The following CADM1 variants were observed in gnomAD, a reference collection of about 807,000 sequenced individuals.
CADM1 encodes the protein TSLC-1.
In CADM1, 15 loss-of-function variants were observed where a neutral mutation model predicts 53.1. That is an observed-to-expected ratio of 0.28 (90% CI 0.19 to 0.44). The LOEUF (loss-of-function observed/expected upper bound fraction) is 0.44, where lower values mean the gene tolerates loss of function less well. Ranked by LOEUF, CADM1 falls within the 20% of genes least tolerant of loss-of-function variation. The probability of loss-of-function intolerance (pLI) is 1.00; values close to 1 mark genes in which losing one functional copy is unlikely to be tolerated. For missense variants in CADM1, 434 were observed against 611.3 expected (o/e 0.71, Z 3.06); for synonymous variants, 281 against 243.0 (o/e 1.16, Z -1.45).
At chr11:115,464,071 C>A (rs762227972) in intron 1 of CADM1, among the ~76,000 whole-genome samples, 10 of 152,160 alleles carry the variant, frequency 6.6e-5, no homozygotes, top group Non-Finnish European at 1.5e-4. Context: ...CTGACAGAGA[C>A]TGGAGACAAT....
At chr11:115,183,881 C>T (rs918608035) in intron 10 of CADM1, among the ~76,000 whole-genome samples, 3 of 152,342 alleles carry the variant, frequency 2.0e-5, no homozygotes, top group East Asian at 3.9e-4. Context: ...TTCAGATGCT[C>T]AGCGTTCTGT....
chr11:115,353,015 G>T (rs1246066508), intron 1 of CADM1, among the ~76,000 whole-genome samples: 1 of 152,202 alleles, frequency 6.6e-6, no homozygotes, highest in Non-Finnish European at 1.5e-5. Flanking sequence ...GATTTCTCTT[G>T]AGATAACTTT....
intron 1 of CADM1, among the ~76,000 whole-genome samples, chr11:115,428,228 T>G (rs948897469): frequency 2.6e-5 from 4 of 152,114 alleles, no homozygotes; most frequent in African/African-American, 9.7e-5. Flanking sequence ...TTAAAATATC[T>G]AGACATTTCT....
intron 1 of CADM1, among the ~76,000 whole-genome samples, chr11:115,489,738 AG>A (rs909747063): frequency 1.3e-5 from 2 of 152,232 alleles, no homozygotes; most frequent in Admixed American, 1.3e-4. Context: ...AAGATAAGTT[AG>A]GAGTAGCCCT....
intron 1 of CADM1, among the ~76,000 whole-genome samples, chr11:115,447,412 G>A (rs756628247): frequency 6.6e-6 from 1 of 152,126 alleles, no homozygotes; most frequent in Non-Finnish European, 1.5e-5. Flanking sequence ...TAAAAAAGCA[G>A]CAGCAAAGAC....
At chr11:115,324,506 G>A (rs543547221) in intron 1 of CADM1, among the ~76,000 whole-genome samples, 315 of 702 alleles carry the variant, frequency 0.45, 5 homozygotes, top group Non-Finnish European at 0.24. Flanking sequence ...TGGTGTGTTC[G>A]TGGAAAAGAA....
chr11:115,348,357 A>T (rs748456693), intron 1 of CADM1, among the ~76,000 whole-genome samples: 10 of 152,230 alleles, frequency 6.6e-5, no homozygotes, highest in Non-Finnish European at 4.4e-5. Flanking sequence ...TCCTGCAGAC[A>T]CATGCAGAAG....
chr11:115,316,793 G>A (rs1470503388), intron 1 of CADM1, among the ~76,000 whole-genome samples: 1 of 152,240 alleles, frequency 6.6e-6, no homozygotes, highest in Middle Eastern at 3.4e-3. Context: ...GCCATCTTAA[G>A]GAAGTGTTCT....
intron 1 of CADM1, among the ~76,000 whole-genome samples, chr11:115,274,037 T>C (rs1256382025): frequency 6.6e-6 from 1 of 152,222 alleles, no homozygotes; most frequent in Non-Finnish European, 1.5e-5. Context: ...AAAATCACAC[T>C]TCCTACCCGA....
chr11:115,482,109 C>A (rs1009726663), intron 1 of CADM1, among the ~76,000 whole-genome samples: 2 of 152,224 alleles, frequency 1.3e-5, no homozygotes, highest in South Asian at 4.1e-4. Context: ...TTTGTCTTTC[C>A]GCCCATTATC....
At chr11:115,376,093 C>T (rs1040435756) in intron 1 of CADM1, among the ~76,000 whole-genome samples, 3 of 152,048 alleles carry the variant, frequency 2.0e-5, no homozygotes, top group Non-Finnish European at 4.4e-5. Flanking sequence ...TTGGTGGTCA[C>T]TAATAATATC....
chr11:115,500,612 A>C (rs562762360), intron 1 of CADM1, among the ~76,000 whole-genome samples: 1 of 152,226 alleles, frequency 6.6e-6, no homozygotes, highest in African/African-American at 2.4e-5. Flanking sequence ...AATAAGGCTA[A>C]TGTTATAATT....
chr11:115,432,532 A>G (rs990951642), intron 1 of CADM1, among the ~76,000 whole-genome samples: 1 of 152,232 alleles, frequency 6.6e-6, no homozygotes, highest in Non-Finnish European at 1.5e-5. Context: ...CTGCTGATCA[A>G]TAAGTGTTTA....
rs1938763585 is a variant in CADM1 at position 115,170,714 on chromosome 11, T to G, written c.*5760A>C. On this transcript the variant is annotated 3_prime_UTR_variant, in exon 12 of 12. Coordinates refer to ENST00000331581, the MANE Select transcript of CADM1 (RefSeq NM_001301043.2). ...GTTTGCATTTTTAAAAGAGGCCATA[T>G]TGCATTCTGAAGGCCCCTCACAATA... 6.6e-6 allele frequency: 1 copy of G among 152,146 alleles called. No homozygotes were observed. Among genetic ancestry groups the G allele is most frequent in the Non-Finnish European group, 1.5e-5 (1 of 68,060 alleles). 9.4% of individuals were successfully genotyped at this position (152,146 alleles called of 1,614,324 possible). A position where few individuals can be genotyped will look rare whatever the true frequency, so the allele number is the denominator to read the frequency against.
intron 1 of CADM1, among the ~76,000 whole-genome samples, chr11:115,273,815 G>T (rs903818006): frequency 2.0e-5 from 3 of 152,072 alleles, no homozygotes; most frequent in Admixed American, 6.5e-5. Context: ...TCAAAACATC[G>T]CCTGGAGAAA....
chr11:115,392,227 A>C (rs1401597686), intron 1 of CADM1, among the ~76,000 whole-genome samples: 1 of 151,804 alleles, frequency 6.6e-6, no homozygotes, highest in Admixed American at 6.6e-5. Context: ...CTTACTCCCC[A>C]CTCAAATATA....
At chr11:115,392,929 G>C (rs1946874929) in intron 1 of CADM1, among the ~76,000 whole-genome samples, 2 of 151,952 alleles carry the variant, frequency 1.3e-5, no homozygotes, top group African/African-American at 4.8e-5. Flanking sequence ...TAGTTCGCAT[G>C]TGCTCAGAAG....
At chr11:115,250,234 T>C (rs983854055) in intron 1 of CADM1, among the ~76,000 whole-genome samples, 2 of 152,212 alleles carry the variant, frequency 1.3e-5, no homozygotes, top group African/African-American at 2.4e-5. Flanking sequence ...ATTATTTAAA[T>C]TGAATTTCTT....
intron 1 of CADM1, among the ~76,000 whole-genome samples, chr11:115,362,242 T>A (rs1946048432): frequency 6.6e-6 from 1 of 152,134 alleles, no homozygotes; most frequent in Admixed American, 6.5e-5. Flanking sequence ...AAGAAGCACT[T>A]AGTATAAAAT....
Sources: allele counts gnomAD v4.1 joint callset (sites outside exome capture counted in the v4.1 genomes callset), GRCh38; gene constraint gnomAD v4.1.1; transcripts MANE v1.5; gene names NCBI Gene and HGNC (gene_info 2026-07-23, HGNC 2026-07-21).